Variants in SFXN2 observed in about 807,000 individuals in gnomAD.
SFXN2 encodes the protein sideroflexin 2, also known as sideroflexin-2.
SFXN2 carries 37 observed loss-of-function variants against 41.9 expected under a neutral mutation model. The observed-to-expected ratio is 0.88, with a 90% CI of 0.68 to 1.16. SFXN2 has a LOEUF of 1.16. Ranked by LOEUF, SFXN2 falls within the 50% of genes most tolerant of loss-of-function variation. SFXN2 has a pLI of 0.00. For synonymous variants in SFXN2, 150 were observed against 156.7 expected (o/e 0.96, Z 0.32); for missense variants, 386 against 425.2 (o/e 0.91, Z 0.81).
intron 1 of SFXN2, among the ~76,000 whole-genome samples, chr10:102,721,010 G>A (rs1045349447): frequency 6.6e-5 from 10 of 152,128 alleles, no homozygotes; most frequent in African/African-American, 9.7e-5. Context: ...GCCCTTTAAA[G>A]GAGGGCTAGA....
intron 1 of SFXN2, chr10:102,725,050 A>G (rs2064571361): frequency 6.6e-6 from 1 of 152,096 alleles, no homozygotes; most frequent in South Asian, 2.1e-4. Flanking sequence ...CTATAGGTAT[A>G]AAAGGCTAAA....
intron 8 of SFXN2, 75 bp from the exon 9 acceptor site, chr10:102,732,784 C>T: frequency 6.7e-7 from 1 of 1,497,108 alleles, no homozygotes; most frequent in Non-Finnish European, 9.3e-7. Flanking sequence ...CCACTTGGTT[C>T]CTGGTCTGAC....
intron 6 of SFXN2, among the ~76,000 whole-genome samples, chr10:102,731,020 G>A (rs1174058108): frequency 3.3e-5 from 5 of 152,146 alleles, no homozygotes; most frequent in Middle Eastern, 3.4e-3. Context: ...CCCGGGAGGC[G>A]GAGCTTGTAG....
chr10:102,733,430 G>T, intron 9 of SFXN2, 124 bp from the exon 10 acceptor site: 1 of 728,960 alleles, frequency 1.4e-6, no homozygotes, highest in South Asian at 1.6e-5. Flanking sequence ...TTACAGGCAT[G>T]AGCCACTGCG....
chr10:102,727,239 G>T (rs2064615603), intron 3 of SFXN2, 82 bp downstream of exon 3: 37 of 1,443,084 alleles, frequency 2.6e-5, no homozygotes, highest in Non-Finnish European at 3.4e-5. Flanking sequence ...AATAATAATA[G>T]TTCTCTTGAT....
rs749476944 is a variant in SFXN2, at chr10:102,735,894, T to C, written c.854T>C (p.Leu285Pro). The stretch of plus-strand genomic sequence containing the variant: ...TTCATGGTGCCAGTGGCGTGTGGGC[T>C]TTTCCCACAGAAATGGTATCTGCTG... ...LIFMVPVACG[L>P]FPQKCELPVS... The change falls in exon 11 of 12, where the codon CTT (leucine) becomes CCT (proline). Residue 285 changes from leucine to proline, a missense_variant. Leu to Pro is a moderately conservative substitution (Grantham distance 98). Coordinates refer to ENST00000369893, the MANE Select transcript of SFXN2 (RefSeq NM_178858.6). 3 of 1,613,910 alleles carry C rather than the reference T, an allele frequency of 1.9e-6. No homozygotes were observed. In the African/African-American group the frequency reaches 4.0e-5, roughly 22 times the overall value.
chr10:102,720,314 A>C (rs1303359603), intron 1 of SFXN2, among the ~76,000 whole-genome samples: 2 of 149,792 alleles, frequency 1.3e-5, no homozygotes, highest in Non-Finnish European at 3.0e-5. Context: ...AAAAAAAAAA[A>C]AAACCCATGG....
intron 1 of SFXN2, among the ~76,000 whole-genome samples, chr10:102,723,286 C>T (rs192333162): frequency 8.0e-5 from 12 of 150,576 alleles, no homozygotes; most frequent in African/African-American, 2.2e-4. Flanking sequence ...GAGTCTCACT[C>T]TGTCACCCAG....
chr10:102,727,240 T>TATGGC, intron 3 of SFXN2, 83 bp downstream of exon 3: 1 of 1,431,680 alleles, frequency 7.0e-7, no homozygotes, highest in Non-Finnish European at 9.5e-7. Context: ...ATAATAATAG[T>TATGGC]TCTCTTGATT....
In SFXN2 at chr10:102,734,386, TTC is replaced by T. The variant is rs2064744433; in HGVS notation, c.821+787_821+788del. On this transcript the variant is annotated intron_variant, in intron 10 of 11. Coordinates refer to ENST00000369893, the MANE Select transcript of SFXN2 (RefSeq NM_178858.6). This position sits in a 1 kb window ranked among gnomAD's most constrained non-coding sequence, Gnocchi z 4.1. ...TAACAGCTAACACTGACTGTATATT[TTC>T]TCTGTGTCCCCACTGAACCCAGTGT... 6.6e-6 allele frequency among the ~76,000 whole-genome samples: 1 copy of T among 152,200 alleles called. No individual in the cohort carries two copies.
intron 10 of SFXN2, among the ~76,000 whole-genome samples, chr10:102,735,600 T>G (rs2064766005): frequency 6.6e-6 from 1 of 152,192 alleles, no homozygotes; most frequent in Non-Finnish European, 1.5e-5. Context: ...CCCTGTTTAC[T>G]TCATTGTCTT....
intron 11 of SFXN2, among the ~76,000 whole-genome samples, chr10:102,736,573 C>T (rs1289009202): frequency 2.6e-5 from 4 of 152,040 alleles, no homozygotes; most frequent in African/African-American, 9.7e-5. Context: ...CGTGCCACCA[C>T]GCACAGCTAA....
In SFXN2 at chr10:102,732,222, A is replaced by C. The variant is rs1273205104; in HGVS notation, c.721+4A>C. The stretch of plus-strand genomic sequence containing the variant: ...ACCATGTCAGCTCCTGGGATGAGTA[A>C]GATGGGGAAGCCCTTCCATCCTGGG... On this transcript the variant is annotated splice_donor_region_variant and intron_variant, in intron 8 of 11. Transcript: ENST00000369893. 4 of 1,613,596 alleles carry C rather than the reference A, an allele frequency of 2.5e-6. No individual in the cohort carries two copies. Among genetic ancestry groups the C allele is most frequent in the South Asian group, 1.1e-5 (1 of 91,046 alleles).
rs767379421 is a variant in SFXN2, at chr10:102,727,097, G to C, written c.272G>C (p.Arg91Pro). The C allele has an allele frequency of 1.9e-6, 3 of 1,609,116 alleles. No individual in the cohort carries two copies. Among genetic ancestry groups the C allele is most frequent in the African/African-American group, 2.7e-5 (2 of 74,842 alleles). ...DTGEKMNVIG[R>P]MSFQLPGGMI... Reference sequence around the variant, plus strand: ...GGGGAGAAGATGAATGTCATCGGGCGCATGTCTTTCCAGCTTCCTGGCGGC... The same window carrying C: ...GGGGAGAAGATGAATGTCATCGGGCCCATGTCTTTCCAGCTTCCTGGCGGC... Residue 91 changes from arginine to proline, a missense_variant, in exon 3 of 12, where the codon CGC becomes CCC. Coordinates refer to ENST00000369893, the MANE Select transcript of SFXN2 (RefSeq NM_178858.6).
intron 1 of SFXN2, among the ~76,000 whole-genome samples, chr10:102,721,742 C>T (rs1490702370): frequency 6.6e-6 from 1 of 151,736 alleles, no homozygotes; most frequent in Non-Finnish European, 1.5e-5. Context: ...GTAATCCTGG[C>T]ACTTTGGGAG....
chr10:102,726,192 C>G (rs1198105436), intron 1 of SFXN2, among the ~76,000 whole-genome samples: 1 of 152,192 alleles, frequency 6.6e-6, no homozygotes, highest in Non-Finnish European at 1.5e-5. Context: ...TCATGATCCC[C>G]CTGCCTCGGC....
In SFXN2 at chr10:102,741,896, C is replaced by A. The variant is rs546938554; in HGVS notation, c.*4134C>A. 6.6e-6 allele frequency: 1 copy of A among 152,308 alleles called. No individual in the cohort carries two copies. The highest frequency in any genetic ancestry group is 2.1e-4 in the South Asian group (1 of 4,832). 9.4% of individuals were successfully genotyped at this position (152,308 alleles called of 1,614,324 possible). On this transcript the variant is annotated 3_prime_UTR_variant, in exon 12 of 12. Transcript: ENST00000369893. ...AAGAAACGAGAGATTGGCAAAAATA[C>A]GTGTCACTTTTTATAGTACTTGGAA...
rs1180810113 is a variant in SFXN2 at position 102,740,048 on chromosome 10, G to A, written c.*2286G>A. The A allele has an allele frequency of 2.0e-5, 3 of 152,182 alleles. No individual in the cohort carries two copies. The highest frequency in any genetic ancestry group is 7.2e-5 in the African/African-American group (3 of 41,426). The allele number at this position is 152,182 out of a possible 1,614,324, so 9.4% of individuals were successfully genotyped here. On this transcript the variant is annotated 3_prime_UTR_variant, in exon 12 of 12. Coordinates refer to ENST00000369893, the MANE Select transcript of SFXN2 (RefSeq NM_178858.6). ...TTGCCCGGTGATGCTGATTCTGTTGGTCTTGGCACCATACGTGGAGGAGCA... is the reference window on the plus strand; with the variant it reads ...TTGCCCGGTGATGCTGATTCTGTTGATCTTGGCACCATACGTGGAGGAGCA...
At chr10:102,731,605 C>T in intron 6 of SFXN2, 118 bp from the exon 7 acceptor site, 1 of 769,276 alleles carries the variant, frequency 1.3e-6, no homozygotes, top group South Asian at 1.5e-5. Flanking sequence ...AAGGCCCAGG[C>T]TACAGGAGGT....
Sources: gnomAD v4.1 joint callset for allele counts (sites outside exome capture counted in the v4.1 genomes callset) on GRCh38, gnomAD v4.1.1 for gene constraint, Gnocchi (gnomAD v3.1) non-coding constraint, MANE v1.5 for transcripts, NCBI Gene and HGNC (gene_info 2026-07-23, HGNC 2026-07-21) for gene names.